Variants in ZEB1 observed in about 807,000 individuals in gnomAD.
ZEB1 encodes the protein zinc finger E-box-binding homeobox 1.
ZEB1 carries 21 observed loss-of-function variants against 84.9 expected under a neutral mutation model. The ratio of observed to expected loss-of-function variants is 0.25; its 90% CI spans 0.18 to 0.36. The LOEUF is 0.36. Among genes scored for constraint, ZEB1 ranks in the 10% least tolerant of loss-of-function variants. The pLI is 1.00. For missense variants in ZEB1, 1,104 were observed against 1,330.2 expected (o/e 0.83, Z 2.65); for synonymous variants, 420 against 471.1 (o/e 0.89, Z 1.41).
At chr10:31,436,240 T>A (rs11008494) in intron 1 of ZEB1, among the ~76,000 whole-genome samples, 5,901 of 152,260 alleles carry the variant, frequency 0.039, 247 homozygotes, top group African/African-American at 0.096. Context: ...TTTGTGATTA[T>A]TATGTATGTC....
At chr10:31,333,043 T>A (rs923909550) in intron 1 of ZEB1, among the ~76,000 whole-genome samples, 1 of 152,262 alleles carries the variant, frequency 6.6e-6, no homozygotes, top group East Asian at 1.9e-4. Flanking sequence ...TTAAGCTGAC[T>A]TTTTTGGTGG....
At chr10:31,437,132 C>T (rs115560850) in intron 1 of ZEB1, among the ~76,000 whole-genome samples, 2,451 of 152,134 alleles carry the variant, frequency 0.016, 63 homozygotes, top group African/African-American at 0.056. Flanking sequence ...ACCTCTGTTG[C>T]ACATTAGCAA....
At chr10:31,375,054 C>CACACAT (rs1454869473) in intron 1 of ZEB1, 1 of 127,164 alleles carries the variant, frequency 7.9e-6, no homozygotes, top group Non-Finnish European at 1.7e-5. Flanking sequence ...CATACACACA[C>CACACAT]ACACACACAC....
chr10:31,444,990 G>A (rs370399885), intron 1 of ZEB1, among the ~76,000 whole-genome samples: 2,597 of 151,628 alleles, frequency 0.017, 73 homozygotes, highest in African/African-American at 0.058. Flanking sequence ...CATTGAATCT[G>A]TAAATTACCT....
At chr10:31,354,715 G>T (rs1003945780) in intron 1 of ZEB1, among the ~76,000 whole-genome samples, 21 of 152,156 alleles carry the variant, frequency 1.4e-4, no homozygotes, top group African/African-American at 5.1e-4. Flanking sequence ...TTAACAGCCA[G>T]ATATTTGGTA....
At chr10:31,474,289 G>T (rs1448856859) in intron 2 of ZEB1, among the ~76,000 whole-genome samples, 1 of 151,412 alleles carries the variant, frequency 6.6e-6, no homozygotes, top group African/African-American at 2.5e-5. Context: ...CAAAATGGGA[G>T]AAAATTTTTG....
chr10:31,332,933 A>T (rs2037112713), intron 1 of ZEB1, among the ~76,000 whole-genome samples: 2 of 152,162 alleles, frequency 1.3e-5, no homozygotes, highest in African/African-American at 4.8e-5. Flanking sequence ...GTATTTGTTT[A>T]TACTTTACTA....
chr10:31,397,832 C>T (rs17295689), intron 1 of ZEB1, among the ~76,000 whole-genome samples: 5,663 of 151,982 alleles, frequency 0.037, 149 homozygotes, highest in Middle Eastern at 0.061. Context: ...AATGCCAATC[C>T]GTGGTTTAAA....
intron 2 of ZEB1, among the ~76,000 whole-genome samples, chr10:31,481,692 G>A (rs933663178): frequency 6.6e-6 from 1 of 151,910 alleles, no homozygotes; most frequent in Non-Finnish European, 1.5e-5. Context: ...AATGATGAGA[G>A]CATGTCAAAA....
At chr10:31,461,862 T>C (rs1260521314) in intron 2 of ZEB1, among the ~76,000 whole-genome samples, 1 of 152,168 alleles carries the variant, frequency 6.6e-6, no homozygotes, top group African/African-American at 2.4e-5. Flanking sequence ...ATTCTAGCTC[T>C]AAAATTTCTT....
intron 1 of ZEB1, among the ~76,000 whole-genome samples, chr10:31,352,049 A>G (rs1185191504): frequency 6.6e-6 from 1 of 152,230 alleles, no homozygotes; most frequent in Non-Finnish European, 1.5e-5. Flanking sequence ...CATGTAAAGC[A>G]TATAATTCAT....
rs892271468 is a variant in ZEB1 at position 31,433,892 on chromosome 10, T to C, written c.59-27145T>C. Among the ~76,000 whole-genome samples, 4 of 152,228 alleles carry C rather than the reference T, an allele frequency of 2.6e-5. No homozygotes were observed. The East Asian group carries it at 5.8e-4, about 22-fold the overall frequency. ...CCAAAGAAGTGAAAAGGGCAAGTAC[T>C]GCCTTAGTATTATTATAAAAATGGT... On this transcript the variant is annotated intron_variant, in intron 1 of 8. Coordinates refer to ENST00000424869, the MANE Select transcript of ZEB1 (RefSeq NM_001174096.2).
chr10:31,362,294 G>T (rs1025474350), intron 1 of ZEB1, among the ~76,000 whole-genome samples: 1 of 150,602 alleles, frequency 6.6e-6, no homozygotes, highest in Non-Finnish European at 1.5e-5. Flanking sequence ...TGGGCGGCTG[G>T]GCAGAGGCGC....
At position 31,521,219 on chromosome 10, in the gene ZEB1, G is replaced by T; in HGVS notation, c.1887G>T (p.Trp629Cys). Residue 629 changes from tryptophan (W) to cysteine (C), a missense_variant, in exon 7 of 9, where the codon TGG becomes TGT. Physicochemically the swap from Trp to Cys is radical, Grantham distance 215 (BLOSUM62 -2). Around this residue, in one of 7 missense-constraint regions of ZEB1, gnomAD observed 531 missense variants for 575.2 expected, o/e 0.92. Transcript: ENST00000424869. ...VNLPLDVVKK[W>C]FEKMQAGQIS... is the part of the protein sequence containing the mutation. ...TACCACTGGATGTAGTAAAAAAGTG[G>T]TTTGAAAAGATGCAAGCTGGACAGA... is the stretch of plus-strand genomic sequence containing the variant. The T allele has an allele frequency of 1.2e-6, 2 of 1,614,050 alleles. No individual in the cohort carries two copies. The highest frequency in any genetic ancestry group is 1.7e-6 in the Non-Finnish European group (2 of 1,180,012).
intron 1 of ZEB1, among the ~76,000 whole-genome samples, chr10:31,432,923 C>A (rs1178612884): frequency 1.3e-5 from 2 of 152,160 alleles, no homozygotes; most frequent in Non-Finnish European, 2.9e-5. Flanking sequence ...ATTCTCATAT[C>A]TGCTTCTATA....
intron 1 of ZEB1, among the ~76,000 whole-genome samples, chr10:31,331,088 T>C (rs1377376264): frequency 8.3e-6 from 1 of 119,872 alleles, no homozygotes; most frequent in Non-Finnish European, 1.7e-5. Flanking sequence ...TTTCTTTTTT[T>C]TTTTTTTTTT....
chr10:31,367,714 G>T (rs937967230), intron 1 of ZEB1, among the ~76,000 whole-genome samples: 5 of 152,078 alleles, frequency 3.3e-5, no homozygotes, highest in Admixed American at 2.6e-4. Context: ...TAAGTGATGT[G>T]AATGATATGA....
intron 8 of ZEB1, 129 bp downstream of exon 8, chr10:31,524,242 C>A: frequency 2.0e-6 from 2 of 1,004,724 alleles, no homozygotes; most frequent in South Asian, 1.6e-5. Flanking sequence ...CAAGGTCTGG[C>A]TCTAGTCACC....
chr10:31,321,377 C>A, intron 1 of ZEB1: 1 of 1,552,060 alleles, frequency 6.4e-7, no homozygotes, highest in South Asian at 1.2e-5. Flanking sequence ...TGATTATAAA[C>A]GAAAGGTATT....
Sources: gnomAD v4.1 joint callset for allele counts (sites outside exome capture counted in the v4.1 genomes callset) on GRCh38, gnomAD v4.1.1 for gene constraint, gnomAD v4.1.1 regional missense constraint, MANE v1.5 for transcripts, NCBI Gene and HGNC (gene_info 2026-07-23, HGNC 2026-07-21) for gene names.